The following FLRT2 variants were observed in gnomAD, a reference collection of about 807,000 sequenced individuals.
FLRT2 encodes fibronectin leucine rich transmembrane protein 2.
In FLRT2, 15 loss-of-function variants were observed where a neutral mutation model predicts 40.0. The ratio of observed to expected loss-of-function variants is 0.38; its 90% CI spans 0.25 to 0.58. The LOEUF is 0.58. FLRT2 is among the 20% of genes least tolerant of loss of function. The pLI is 0.71. For missense variants in FLRT2, 726 were observed against 840.0 expected, an observed-to-expected ratio of 0.86 and a Z score of 1.68; for synonymous variants, 380 against 336.8, an observed-to-expected ratio of 1.13 and a Z score of -1.41.
chr14:85,559,027 C>T (rs995520742), intron 1 of FLRT2, among the ~76,000 whole-genome samples: 1 of 152,188 alleles, frequency 6.6e-6, no homozygotes, highest in African/African-American at 2.4e-5. Flanking sequence ...CCAATACACG[C>T]ACATAGAAGC....
chr14:85,554,022 A>G (rs1444379874), intron 1 of FLRT2, among the ~76,000 whole-genome samples: 2 of 152,344 alleles, frequency 1.3e-5, no homozygotes, highest in Admixed American at 1.3e-4. Flanking sequence ...AAATCTCATC[A>G]AAAATATGAA....
At chr14:85,550,814 G>T (rs1466238990) in intron 1 of FLRT2, among the ~76,000 whole-genome samples, 1 of 152,128 alleles carries the variant, frequency 6.6e-6, no homozygotes, top group African/African-American at 2.4e-5. Context: ...TGATCTCCTT[G>T]TCTAACACAC....
intron 1 of FLRT2, among the ~76,000 whole-genome samples, chr14:85,595,118 G>A (rs1305499073): frequency 6.6e-6 from 1 of 152,032 alleles, no homozygotes; most frequent in Non-Finnish European, 1.5e-5. Flanking sequence ...AAGGGTGAAG[G>A]GGAAGCAAGA....
At position 85,632,911 on chromosome 14, in the gene FLRT2, G is replaced by T. The variant is rs1401920440; in HGVS notation, c.*9414G>T. ...TATCAGTGTACTTTTCCTAAAATGG[G>T]GACAATGATGTCTAACACATATGGT... On this transcript the variant is annotated 3_prime_UTR_variant, in exon 2 of 2. Transcript: ENST00000330753. The T allele has an allele frequency of 2.6e-5, 4 of 152,116 alleles. No individual in the cohort carries two copies. Among genetic ancestry groups the T allele is most frequent in the Non-Finnish European group, 5.9e-5 (4 of 68,020 alleles). 9.4% of individuals were successfully genotyped at this position (152,116 alleles called of 1,614,324 possible).
chr14:85,613,705 G>A (rs982426060), intron 1 of FLRT2, among the ~76,000 whole-genome samples: 1 of 152,116 alleles, frequency 6.6e-6, no homozygotes, highest in African/African-American at 2.4e-5. Context: ...GGGAAATAAC[G>A]GTGAGCGAAA....
At position 85,626,611 on chromosome 14, in the gene FLRT2, T is replaced by C. The variant is rs1893692413; in HGVS notation, c.*3114T>C. 1 of 167,072 alleles carries C rather than the reference T, an allele frequency of 6.0e-6. No individual in the cohort carries two copies. The highest frequency in any genetic ancestry group is 2.1e-4 in the South Asian group (1 of 4,822). The allele number at this position is 167,072 out of a possible 1,614,324, so 10.3% of individuals were successfully genotyped here. On this transcript the variant is annotated 3_prime_UTR_variant, in exon 2 of 2. Coordinates refer to ENST00000330753, the MANE Select transcript of FLRT2 (RefSeq NM_013231.6). ...GAGATATGTTTGATTATAGAGAGAC[T>C]CTGGGCCACCCTCAAACACCGTCAG...
intron 1 of FLRT2, among the ~76,000 whole-genome samples, chr14:85,602,684 G>C (rs1356867713): frequency 6.6e-6 from 1 of 152,120 alleles, no homozygotes; most frequent in African/African-American, 2.4e-5. Flanking sequence ...AGTGATTTTT[G>C]CCCTGTTAAC....
At position 85,621,536 on chromosome 14, in the gene FLRT2, T is replaced by C; in HGVS notation, c.22T>C (p.Trp8Arg). ...AGAAATGGGCCTACAGACCACAAAG[T>C]GGCCCAGCCATGGGGCTTTTTTCCT... MGLQTTK[W>R]PSHGAFFLKS... Residue 8 changes from tryptophan to arginine, a missense_variant, in exon 2 of 2, where the codon TGG becomes CGG. Trp to Arg is a moderately radical substitution (Grantham distance 101). Transcript: ENST00000330753. The C allele has an allele frequency of 6.2e-7, 1 of 1,612,606 alleles. No individual in the cohort carries two copies. Among genetic ancestry groups the C allele is most frequent in the Non-Finnish European group, 8.5e-7 (1 of 1,179,332 alleles).
At position 85,631,058 on chromosome 14, in the gene FLRT2, C is replaced by T. The variant is rs1893855968; in HGVS notation, c.*7561C>T. The T allele has an allele frequency of 7.5e-6, 1 of 132,618 alleles. No individual in the cohort carries two copies. Among genetic ancestry groups the T allele is most frequent in the African/African-American group, 3.1e-5 (1 of 32,666 alleles). 8.2% of individuals were successfully genotyped at this position (132,618 alleles called of 1,614,324 possible). The stretch of plus-strand genomic sequence containing the variant: ...ACATTTCTTACCAATATTGCCTCCT[C>T]CTTCATTACATGCTCTAGATTATAT... On this transcript the variant is annotated 3_prime_UTR_variant, in exon 2 of 2. Coordinates refer to ENST00000330753, the MANE Select transcript of FLRT2 (RefSeq NM_013231.6).
At chr14:85,577,087 T>C (rs749778667) in intron 1 of FLRT2, among the ~76,000 whole-genome samples, 1 of 152,188 alleles carries the variant, frequency 6.6e-6, no homozygotes, top group Non-Finnish European at 1.5e-5. Flanking sequence ...GAGCGATTTG[T>C]AATGCATTAC....
At chr14:85,556,712 G>T (rs1477468827) in intron 1 of FLRT2, among the ~76,000 whole-genome samples, 2 of 152,224 alleles carry the variant, frequency 1.3e-5, no homozygotes, top group Admixed American at 6.5e-5. Context: ...AATTAAATGA[G>T]TTAATACATA....
rs1812002954 is a variant in FLRT2, at chr14:85,638,925, C to T, written c.*15428C>T. The T allele has an allele frequency of 6.6e-6, 1 of 152,086 alleles. No individual in the cohort carries two copies. Among genetic ancestry groups the T allele is most frequent in the African/African-American group, 2.4e-5 (1 of 41,402 alleles). The allele number at this position is 152,086 out of a possible 1,614,324, so 9.4% of individuals were successfully genotyped here. On this transcript the variant is annotated 3_prime_UTR_variant, in exon 2 of 2. Transcript: ENST00000330753. ...AAAACATACAGTGCAAAAAAGCAAA[C>T]AAAAGTTAGCTAATAATCAATTCTT...
rs898218814 is a variant in FLRT2, at chr14:85,649,013, G to A, written c.*25516G>A. ...CATAGCACCCATGCAAAATATTTTG[G>A]CTACAGGGAGTGCTCCAATTTTGAT... On this transcript the variant is annotated 3_prime_UTR_variant, in exon 2 of 2. Coordinates refer to ENST00000330753, the MANE Select transcript of FLRT2 (RefSeq NM_013231.6). The A allele has an allele frequency of 7.9e-5, 12 of 151,880 alleles. No homozygotes were observed. The highest frequency in any genetic ancestry group is 2.9e-5 in the Non-Finnish European group (2 of 67,954). The allele number at this position is 151,880 out of a possible 1,614,324, so 9.4% of individuals were successfully genotyped here.
chr14:85,618,685 T>C (rs1478539132), intron 1 of FLRT2, among the ~76,000 whole-genome samples: 2 of 152,234 alleles, frequency 1.3e-5, no homozygotes, highest in African/African-American at 4.8e-5. Flanking sequence ...AAAAGAGTCA[T>C]GTAACATGCT....
At chr14:85,606,783 A>G (rs1442084863) in intron 1 of FLRT2, among the ~76,000 whole-genome samples, 3 of 150,970 alleles carry the variant, frequency 2.0e-5, no homozygotes, top group Admixed American at 1.3e-4. Flanking sequence ...TCAGCCTCCC[A>G]AAGTGCTGGG....
intron 1 of FLRT2, among the ~76,000 whole-genome samples, chr14:85,598,023 T>C (rs4904262): frequency 0.84 from 127,984 of 152,198 alleles, 53,947 homozygotes; most frequent in East Asian, 0.94. Context: ...CTTTTTCTTA[T>C]GGCTTGCCTA....
chr14:85,551,944 C>A (rs2139826671), intron 1 of FLRT2, among the ~76,000 whole-genome samples: 1 of 152,190 alleles, frequency 6.6e-6, no homozygotes, highest in Non-Finnish European at 1.5e-5. Context: ...AATGAACTAC[C>A]AAAGGTCATG....
chr14:85,622,094 G>A lies in FLRT2; in HGVS notation c.580G>A (p.Val194Ile), dbSNP rs761861199. 1 of 1,614,026 alleles carries A rather than the reference G, an allele frequency of 6.2e-7. No individual in the cohort carries two copies. Among genetic ancestry groups the A allele is most frequent in the Non-Finnish European group, 8.5e-7 (1 of 1,180,034 alleles). Residue 194 changes from valine to isoleucine, a missense_variant, in exon 2 of 2, where the codon GTC (valine) becomes ATC (isoleucine). Val to Ile is a conservative substitution (Grantham distance 29, BLOSUM62 3). Transcript: ENST00000330753. ...ELRVDENRIAVISDMAFQNLT... is the reference protein window; with the variant it reads ...ELRVDENRIAIISDMAFQNLT... Reference sequence around the variant, plus strand: ...GAGAGTGGATGAAAATCGAATTGCTGTCATATCCGACATGGCCTTCCAGAA... The same window carrying A: ...GAGAGTGGATGAAAATCGAATTGCTATCATATCCGACATGGCCTTCCAGAA...
intron 1 of FLRT2, among the ~76,000 whole-genome samples, chr14:85,587,300 AAAAAAG>A (rs1453677722): frequency 1.4e-5 from 2 of 140,122 alleles, no homozygotes; most frequent in African/African-American, 5.0e-5. Context: ...AAAAAAAAAA[AAAAAAG>A]AAGAAAGCAG....
Sources: allele counts gnomAD v4.1 joint callset (sites outside exome capture counted in the v4.1 genomes callset), GRCh38; gene constraint gnomAD v4.1.1; transcripts MANE v1.5; gene names NCBI Gene and HGNC (gene_info 2026-07-23, HGNC 2026-07-21).